The following CRHR1 variants were observed in gnomAD, a reference collection of about 807,000 sequenced individuals.
CRHR1 encodes the protein corticotropin-releasing hormone receptor 1.
In CRHR1, 28 loss-of-function variants were observed where a neutral mutation model predicts 56.0. The ratio of observed to expected loss-of-function variants is 0.50; its 90% CI spans 0.37 to 0.69. The LOEUF is 0.69. Ranked by LOEUF, CRHR1 falls within the 30% of genes least tolerant of loss-of-function variation. The pLI is 0.00. For missense variants in CRHR1, 376 were observed against 548.0 expected (o/e 0.69, Z 3.13); for synonymous variants, 195 against 216.5 (o/e 0.90, Z 0.87).
At chr17:45,786,701 G>A (rs1426980893) in intron 1 of CRHR1, among the ~76,000 whole-genome samples, 2 of 138,608 alleles carry the variant, frequency 1.4e-5, no homozygotes, top group South Asian at 2.4e-4. Flanking sequence ...GTGTAATGGT[G>A]TGATCATGGC....
At chr17:45,822,640 C>A (rs553563056) in intron 4 of CRHR1, among the ~76,000 whole-genome samples, 1 of 152,202 alleles carries the variant, frequency 6.6e-6, no homozygotes, top group South Asian at 2.1e-4. Context: ...CTCCTGAGGT[C>A]AGGAGTTCAA....
At chr17:45,822,693 A>G (rs2062068232) in intron 4 of CRHR1, among the ~76,000 whole-genome samples, 1 of 152,140 alleles carries the variant, frequency 6.6e-6, no homozygotes, top group African/African-American at 2.4e-5. Context: ...TCTACTAAAA[A>G]TACAAAATTA....
Position 45,818,504 on chromosome 17 carries a change from G to T in CRHR1, c.241+1922G>T, listed in dbSNP as rs2061973172. ...AGCCCTTGGCACAGACCTTCTGTGGGCCTCAGTTTCTACACCTGCAGAATG... is the reference window on the plus strand; with the variant it reads ...AGCCCTTGGCACAGACCTTCTGTGGTCCTCAGTTTCTACACCTGCAGAATG... On this transcript the variant is annotated intron_variant, in intron 3 of 12. Transcript: ENST00000314537. Among the ~76,000 whole-genome samples the T allele has an allele frequency of 3.3e-5, 5 of 152,172 alleles. No homozygotes were observed. The South Asian group carries it at 8.3e-4, about 25-fold the overall frequency.
intron 1 of CRHR1, among the ~76,000 whole-genome samples, chr17:45,796,200 A>G (rs1403769539): frequency 6.6e-6 from 1 of 152,014 alleles, no homozygotes; most frequent in Admixed American, 6.6e-5. Flanking sequence ...GGCTGTCCCC[A>G]CACCTCGGCT....
At chr17:45,802,019 G>T (rs1017504927) in intron 1 of CRHR1, among the ~76,000 whole-genome samples, 109 of 146,854 alleles carry the variant, frequency 7.4e-4, no homozygotes, top group African/African-American at 1.9e-3. Flanking sequence ...TTTTTTTTTT[G>T]TTTGTTTTGT....
intron 8 of CRHR1, among the ~76,000 whole-genome samples, chr17:45,831,503 C>T (rs2062308703): frequency 6.6e-6 from 1 of 152,166 alleles, no homozygotes; most frequent in Non-Finnish European, 1.5e-5. Context: ...CAGATGTTTC[C>T]AATCGTGCCT....
intron 3 of CRHR1, among the ~76,000 whole-genome samples, 163 bp downstream of exon 3, chr17:45,816,745 T>A (rs28364028): frequency 0.01 from 1,559 of 152,342 alleles, 18 homozygotes; most frequent in Middle Eastern, 0.041. Flanking sequence ...CTGGGTGCCC[T>A]GTGCTCATTA....
intron 3 of CRHR1, among the ~76,000 whole-genome samples, chr17:45,818,418 C>T (rs2061971908): frequency 6.6e-6 from 1 of 152,272 alleles, no homozygotes; most frequent in South Asian, 2.1e-4. Flanking sequence ...GCTGGCCCTG[C>T]CTGAAGTGGC....
intron 1 of CRHR1, among the ~76,000 whole-genome samples, chr17:45,796,401 C>G (rs1196361598): frequency 6.6e-6 from 1 of 152,220 alleles, no homozygotes; most frequent in Non-Finnish European, 1.5e-5. Context: ...TTCCCACTGC[C>G]AGCTCTGGGG....
At chr17:45,796,676 C>T (rs1454638721) in intron 1 of CRHR1, among the ~76,000 whole-genome samples, 1 of 152,134 alleles carries the variant, frequency 6.6e-6, no homozygotes, top group Non-Finnish European at 1.5e-5. Context: ...AGTAAAGGCT[C>T]TGACTTGCAG....
intron 1 of CRHR1, among the ~76,000 whole-genome samples, chr17:45,786,861 A>G (rs142573367): frequency 1 from 152,050 of 152,116 alleles, 75,992 homozygotes; most frequent in Middle Eastern, 1. Context: ...GGCTGGTCTC[A>G]AACTCCTGGG....
chr17:45,816,470 G>A lies in CRHR1; in HGVS notation c.129G>A (p.Gln43=), dbSNP rs767352596. 2.5e-5 allele frequency: 40 copies of A among 1,613,934 alleles called. No homozygotes were observed. Among genetic ancestry groups the A allele is most frequent in the Admixed American group, 3.3e-5 (2 of 59,992 alleles). The change falls in exon 3 of 13, where the codon CAG becomes CAA. Residue 43 remains glutamine (Q), a synonymous_variant. Coordinates refer to ENST00000314537, the MANE Select transcript of CRHR1 (RefSeq NM_004382.5). ...AGCCGTCTCTGCCCCCAGGACTGCA[G>A]TGCAACGCATCCGTGGACCTCATTG... ...LSLASNISGL[Q]CNASVDLIGT... is the part of the protein sequence containing the mutation.
chr17:45,828,243 C>T (rs1244965737), intron 4 of CRHR1, among the ~76,000 whole-genome samples: 1 of 152,192 alleles, frequency 6.6e-6, no homozygotes, highest in Non-Finnish European at 1.5e-5. Flanking sequence ...TGACCAGTCC[C>T]CTATTATGGG....
chr17:45,821,381 A>G lies in CRHR1; in HGVS notation c.268A>G (p.Asn90Asp). 1.2e-6 allele frequency: 2 copies of G among 1,613,524 alleles called. No homozygotes were observed. Among genetic ancestry groups the G allele is most frequent in the Non-Finnish European group, 1.7e-6 (2 of 1,180,004 alleles). The change falls in exon 4 of 13, where the codon AAT (asparagine) becomes GAT (aspartate). Residue 90 changes from asparagine (N) to aspartate (D), a missense_variant. Asn to Asp is a conservative substitution (Grantham distance 23, BLOSUM62 1). This residue lies in a region of CRHR1 where 369 missense variants were observed against 519.5 expected (regional missense o/e 0.71). Coordinates refer to ENST00000314537, the MANE Select transcript of CRHR1 (RefSeq NM_004382.5). ...CAATGGCTACCGGGAGTGCCTGGCCAATGGCAGCTGGGCCGCCCGCGTGAA... is the reference window on the plus strand; with the variant it reads ...CAATGGCTACCGGGAGTGCCTGGCCGATGGCAGCTGGGCCGCCCGCGTGAA... ...TNNGYRECLA[N>D]GSWAARVNYS...
intron 2 of CRHR1, among the ~76,000 whole-genome samples, chr17:45,807,332 G>C (rs762456583): frequency 1.3e-5 from 2 of 152,226 alleles, no homozygotes; most frequent in African/African-American, 4.8e-5. Flanking sequence ...AGCACCTGCC[G>C]TGGGCACAGG....
intron 1 of CRHR1, among the ~76,000 whole-genome samples, chr17:45,803,797 CAT>C (rs1173452387): frequency 4.6e-5 from 7 of 150,724 alleles, no homozygotes; most frequent in Non-Finnish European, 7.4e-5. Flanking sequence ...CGCGTGTGTG[CAT>C]GTGTGTGTGT....
intron 3 of CRHR1, among the ~76,000 whole-genome samples, chr17:45,819,396 G>A (rs957870884): frequency 2.0e-5 from 3 of 152,130 alleles, no homozygotes; most frequent in African/African-American, 7.2e-5. Context: ...CAGGGGCCAC[G>A]CTCTTAGCAC....
intron 1 of CRHR1, among the ~76,000 whole-genome samples, chr17:45,787,787 C>T (rs937799817): frequency 2.6e-5 from 4 of 152,148 alleles, no homozygotes; most frequent in Admixed American, 6.5e-5. Context: ...TTTGATTAAA[C>T]GATATAGAGC....
At chr17:45,816,752 A>C (rs528685487) in intron 3 of CRHR1, among the ~76,000 whole-genome samples, 170 bp downstream of exon 3, 1 of 152,292 alleles carries the variant, frequency 6.6e-6, no homozygotes, top group Admixed American at 6.5e-5. Context: ...CCCTGTGCTC[A>C]TTACTCGTGA....
Sources: allele counts gnomAD v4.1 joint callset (sites outside exome capture counted in the v4.1 genomes callset), GRCh38; gene constraint gnomAD v4.1.1; regional missense constraint gnomAD v4.1.1; transcripts MANE v1.5; gene names NCBI Gene and HGNC (gene_info 2026-07-23, HGNC 2026-07-21).